The following SLC9A3 variants were observed in gnomAD, a reference collection of about 807,000 sequenced individuals.
SLC9A3 encodes the protein solute carrier family 9 member A3.
In SLC9A3, 37 loss-of-function variants were observed where a neutral mutation model predicts 86.8. The observed-to-expected ratio is 0.43, with a 90% CI of 0.33 to 0.56. The LOEUF is 0.56. SLC9A3 is among the 20% of genes least tolerant of loss of function. The pLI, the probability that SLC9A3 is intolerant of heterozygous loss-of-function variation, is 0.06. For missense variants in SLC9A3, 1,011 were observed against 1,171.9 expected, an observed-to-expected ratio of 0.86 and a Z score of 2.00; for synonymous variants, 581 against 528.3, an observed-to-expected ratio of 1.10 and a Z score of -1.37.
chr5:473,472 G>A lies in SLC9A3; in HGVS notation c.2502-90C>T, dbSNP rs1363981753. ...GGGGGCCTCAGCTGTCCCCGAGCCC[G>A]GCGGCTCTCGCCTCCCCTCCCGCGG... On this transcript the variant is annotated intron_variant, in intron 16 of 16. Coordinates refer to ENST00000264938, the MANE Select transcript of SLC9A3 (RefSeq NM_004174.4). 1.2e-5 allele frequency: 14 copies of A among 1,126,512 alleles called. No homozygotes were observed. In the East Asian group the frequency reaches 3.0e-4, roughly 24 times the overall value. The allele number at this position is 1,126,512 out of a possible 1,614,324, so 69.8% of individuals were successfully genotyped here. A position where few individuals can be genotyped will look rare whatever the true frequency, so the allele number is the denominator to read the frequency against.
At chr5:480,064 A>G (rs1440971326) in intron 9 of SLC9A3, 99 bp from the exon 10 acceptor site, 8 of 1,390,358 alleles carry the variant, frequency 5.8e-6, no homozygotes, top group Middle Eastern at 3.8e-4. Flanking sequence ...TTTGTTTGCT[A>G]TAGTGACCCT....
intron 1 of SLC9A3, among the ~76,000 whole-genome samples, chr5:502,852 A>ACGGG (rs1389013077): frequency 0.15 from 22,085 of 150,130 alleles, 2,750 homozygotes; most frequent in Non-Finnish European, 0.22. Context: ...AATGACACAG[A>ACGGG]TGGGCGCTGT....
chr5:488,504 G>T (rs1181891570), intron 2 of SLC9A3, 28 bp from the exon 3 acceptor site: 3 of 1,511,554 alleles, frequency 2.0e-6, no homozygotes, highest in Non-Finnish European at 2.7e-6. Flanking sequence ...CCGCGGGGCA[G>T]CTGCAGGGCC....
chr5:483,341 G>C lies in SLC9A3; in HGVS notation c.1074C>G (p.Ala358=), dbSNP rs768791416. The C allele has an allele frequency of 2.6e-6, 4 of 1,566,866 alleles. No homozygotes were observed. Among genetic ancestry groups the C allele is most frequent in the Non-Finnish European group, 3.5e-6 (4 of 1,156,474 alleles). ...TIIFMFLGIS[A]VNPFIWTWNT... Reference sequence around the variant, plus strand: ...TCCAGGTCCAGATGAACGGGTTCACGGCCGAGATACCCAGGAACATGAAGA... The same window carrying C: ...TCCAGGTCCAGATGAACGGGTTCACCGCCGAGATACCCAGGAACATGAAGA... The change falls in exon 6 of 17, where the codon GCC becomes GCG. Residue 358 remains alanine (A), a synonymous_variant. Transcript: ENST00000264938.
At chr5:523,994 T>C in intron 1 of SLC9A3, 118 bp downstream of exon 1, 1 of 563,280 alleles carries the variant, frequency 1.8e-6, no homozygotes, top group Non-Finnish European at 2.8e-6. Context: ...AGCCGGACTC[T>C]CCCGGGCGGC....
chr5:477,277 C>G (rs763172992), intron 11 of SLC9A3, 55 bp downstream of exon 11: 77 of 1,299,362 alleles, frequency 5.9e-5, no homozygotes, highest in Non-Finnish European at 7.8e-5. Flanking sequence ...CTGTGACTCT[C>G]AGCTCCCGAG....
At chr5:473,440 C>T (rs2126599105) in intron 16 of SLC9A3, 58 bp from the exon 17 acceptor site, 2 of 1,325,346 alleles carry the variant, frequency 1.5e-6, no homozygotes, top group East Asian at 3.2e-5. Flanking sequence ...GCGGGAGGGG[C>T]GTCCCCGGGG....
Position 483,157 on chromosome 5 carries a change from G to A in SLC9A3, c.1153+105C>T, listed in dbSNP as rs571401335. On this transcript the variant is annotated intron_variant, in intron 6 of 16. Transcript: ENST00000264938. The stretch of plus-strand genomic sequence containing the variant: ...TCAGGTCCTCTCCTCTGCCTTGCAC[G>A]GGGCTGCACCTCCATCTCCCTGGGC... The A allele has an allele frequency of 1.1e-4, 99 of 886,438 alleles. No homozygotes were observed. The African/African-American group carries it at 1.4e-3, about 13-fold the overall frequency. The allele number at this position is 886,438 out of a possible 1,614,324, so 54.9% of individuals were successfully genotyped here.
In SLC9A3 at chr5:479,835, C is replaced by G; in HGVS notation, c.1647+1G>C. The stretch of plus-strand genomic sequence containing the variant: ...CCCGGCAGAGCAAGCGGCTCTGCTA[C>G]CTCAGCCACGTAGCTGATGGCATCC... On this transcript the variant is annotated splice_donor_variant, in intron 10 of 16. Coordinates refer to ENST00000264938, the MANE Select transcript of SLC9A3 (RefSeq NM_004174.4). LOFTEE classifies it high-confidence loss of function. 6.2e-7 allele frequency: 1 copy of G among 1,613,272 alleles called. No homozygotes were observed. The highest frequency in any genetic ancestry group is 8.5e-7 in the Non-Finnish European group (1 of 1,179,946).
In SLC9A3 at chr5:482,566, G is replaced by C. The variant is rs1317244837; in HGVS notation, c.1338C>G (p.Phe446Leu). Residue 446 changes from phenylalanine (F) to leucine (L), a missense_variant, in exon 7 of 17, where the codon TTC becomes TTG. Physicochemically the swap from Phe to Leu is conservative, Grantham distance 22 (BLOSUM62 0). Transcript: ENST00000264938. ...GCCTCACCTGGAAGATGACGGTGAAGAACACTACGATGATGGTGGTGCTGA... is the reference window on the plus strand; with the variant it reads ...GCCTCACCTGGAAGATGACGGTGAACAACACTACGATGATGGTGGTGCTGA... ...LFVSTTIIVV[F>L]FTVIFQGLTI... The C allele has an allele frequency of 2.5e-6, 4 of 1,612,420 alleles. No homozygotes were observed. The highest frequency in any genetic ancestry group is 2.5e-6 in the Non-Finnish European group (3 of 1,179,494).
intron 10 of SLC9A3, 33 bp downstream of exon 10, chr5:479,803 G>T (rs3211145): frequency 2.5e-6 from 4 of 1,609,960 alleles, no homozygotes; most frequent in Non-Finnish European, 3.4e-6. Context: ...GCCTGCTGCA[G>T]CCCCGACCCG....
intron 1 of SLC9A3, among the ~76,000 whole-genome samples, chr5:493,467 C>T (rs575295898): frequency 1.3e-5 from 2 of 152,392 alleles, no homozygotes; most frequent in East Asian, 3.9e-4. Context: ...TGCCTGTTTT[C>T]TCCCTTGTAA....
intron 1 of SLC9A3, among the ~76,000 whole-genome samples, chr5:505,214 A>G (rs7443244): frequency 0.87 from 6,825 of 7,860 alleles, 2,937 homozygotes; most frequent in Middle Eastern, 0.92. Flanking sequence ...GGGGGTGACC[A>G]TCGAGGGGGG....
In SLC9A3 at chr5:498,651, C is replaced by T. The variant is rs555059941; in HGVS notation, c.212-6580G>A. Among the ~76,000 whole-genome samples the T allele has an allele frequency of 5.3e-5, 8 of 152,302 alleles. No individual in the cohort carries two copies. In the East Asian group the frequency reaches 1.5e-3, roughly 29 times the overall value. ...TCCTGGGGTCAAGCGACACGCCCAC[C>T]TCGGTCGTCCACAGTGCTGGGATCA... On this transcript the variant is annotated intron_variant, in intron 1 of 16. Transcript: ENST00000264938.
In SLC9A3 at chr5:492,011, A is replaced by G; in HGVS notation, c.272T>C (p.Leu91Pro). The G allele has an allele frequency of 6.3e-7, 1 of 1,589,116 alleles. No individual in the cohort carries two copies. The highest frequency in any genetic ancestry group is 8.6e-7 in the Non-Finnish European group (1 of 1,166,836). ...VVPESALLIV[L>P]GLVLGGIVWA... ...GACGATGCCGCCCAGCACCAGGCCCAGCACGATGAGCAGGGCGCTCTCGGG... is the reference window on the plus strand; with the variant it reads ...GACGATGCCGCCCAGCACCAGGCCCGGCACGATGAGCAGGGCGCTCTCGGG... The change falls in exon 2 of 17, where the codon CTG (leucine) becomes CCG (proline). Residue 91 changes from leucine to proline, a missense_variant. Leu to Pro is a moderately conservative substitution (Grantham distance 98). Transcript: ENST00000264938.
chr5:482,686 C>T lies in SLC9A3; in HGVS notation c.1218G>A (p.Gln406=), dbSNP rs763305394. 1.9e-6 allele frequency: 3 copies of T among 1,612,500 alleles called. No individual in the cohort carries two copies. Among genetic ancestry groups the T allele is most frequent in the Admixed American group, 3.3e-5 (2 of 59,922 alleles). ...YRMVQLEPID[Q]VVLSYGGLRG... ...GCAGGCCCCCGTAGGACAGGACCAC[C>T]TGGTCAATGGGCTCCAGCTGCACCA... Residue 406 remains glutamine, a synonymous_variant, in exon 7 of 17, where the codon CAG becomes CAA. Transcript: ENST00000264938.
Position 484,519 on chromosome 5 carries a change from C to T in SLC9A3, c.932+1G>A, listed in dbSNP as rs144524702. ...AGCTCGCGTGTGTGGGAGGGACTCA[C>T]GCGAGGATGGCCGACAGCGACAGCA... On this transcript the variant is annotated splice_donor_variant, in intron 5 of 16. Transcript: ENST00000264938. LOFTEE classifies it high-confidence loss of function. 15 of 1,612,812 alleles carry T rather than the reference C, an allele frequency of 9.3e-6. No homozygotes were observed. Among genetic ancestry groups the T allele is most frequent in the African/African-American group, 1.3e-5 (1 of 74,920 alleles).
Position 473,236 on chromosome 5 carries a change from C to T in SLC9A3, c.*143G>A, listed in dbSNP as rs1435941856. ...GCACTCTCGGAGTTCTGCGCAGGCG[C>T]TGGCGTGGGCGAGGCGGGGCTCGGG... On this transcript the variant is annotated 3_prime_UTR_variant, in exon 17 of 17. Transcript: ENST00000264938. 13 of 936,488 alleles carry T rather than the reference C, an allele frequency of 1.4e-5. No homozygotes were observed. The highest frequency in any genetic ancestry group is 1.8e-5 in the African/African-American group (1 of 54,676). The allele number at this position is 936,488 out of a possible 1,614,324, so 58.0% of individuals were successfully genotyped here. A position where few individuals can be genotyped will look rare whatever the true frequency, so the allele number is the denominator to read the frequency against.
At chr5:494,830 C>T (rs1402685403) in intron 1 of SLC9A3, among the ~76,000 whole-genome samples, 1 of 152,214 alleles carries the variant, frequency 6.6e-6, no homozygotes, top group African/African-American at 2.4e-5. Flanking sequence ...GGAGGCTGCC[C>T]AGCCGCTGGC....
Sources: allele counts gnomAD v4.1 joint callset (sites outside exome capture counted in the v4.1 genomes callset), GRCh38; gene constraint gnomAD v4.1.1; transcripts MANE v1.5; gene names NCBI Gene and HGNC (gene_info 2026-07-23, HGNC 2026-07-21).